The following MYO10 variants were observed in gnomAD, a reference collection of about 807,000 sequenced individuals.
MYO10 encodes the protein myosin X.
A neutral mutation model predicts 257.3 loss-of-function variants in MYO10; 133 were observed. The observed-to-expected ratio is 0.52, with a 90% confidence interval of 0.45 to 0.60. The LOEUF is 0.60. Ranked by LOEUF, MYO10 falls within the 20% of genes least tolerant of loss-of-function variation. MYO10 has a pLI of 0.00. For missense variants in MYO10, 2,399 were observed against 2,635.7 expected (o/e 0.91, Z 1.97); for synonymous variants, 1,104 against 1,028.6 (o/e 1.07, Z -1.40).
chr5:16,710,419 T>C (rs1561200404), intron 21 of MYO10, among the ~76,000 whole-genome samples: 1 of 152,212 alleles, frequency 6.6e-6, no homozygotes, highest in African/African-American at 2.4e-5. Context: ...TCTTCAAACG[T>C]AGATTTTCCT....
chr5:16,882,133 G>A (rs153706), intron 1 of MYO10, among the ~76,000 whole-genome samples: 92,873 of 152,022 alleles, frequency 0.61, 28,491 homozygotes, highest in African/African-American at 0.66. Context: ...AAGCACTTAT[G>A]CATAAATTCC....
chr5:16,851,791 G>A (rs747607104), intron 2 of MYO10, among the ~76,000 whole-genome samples: 3 of 152,096 alleles, frequency 2.0e-5, no homozygotes, highest in Non-Finnish European at 4.4e-5. Flanking sequence ...GGTGGCTCAT[G>A]CCTGTAATCC....
chr5:16,923,667 C>T (rs1007427564), intron 1 of MYO10, among the ~76,000 whole-genome samples: 135 of 141,470 alleles, frequency 9.5e-4, no homozygotes, highest in African/African-American at 3.6e-3. Context: ...CGCCCATACA[C>T]ACACACACAC....
At chr5:16,855,450 T>C (rs1025182536) in intron 2 of MYO10, among the ~76,000 whole-genome samples, 3 of 152,230 alleles carry the variant, frequency 2.0e-5, no homozygotes, top group African/African-American at 4.8e-5. Context: ...TAAAGCGAGA[T>C]ACATGTTTTA....
intron 2 of MYO10, among the ~76,000 whole-genome samples, chr5:16,854,877 C>T (rs12188380): frequency 0.3 from 44,915 of 151,672 alleles, 6,794 homozygotes; most frequent in South Asian, 0.34. Flanking sequence ...ACTAAAAATA[C>T]AAAAATTAGC....
intron 19 of MYO10, among the ~76,000 whole-genome samples, chr5:16,728,253 T>C (rs545100846): frequency 8.5e-5 from 13 of 152,156 alleles, no homozygotes; most frequent in African/African-American, 3.1e-4. Context: ...CCAGGGTCGC[T>C]TGTCTCCTCT....
chr5:16,795,090 G>T (rs1011359297), intron 3 of MYO10, among the ~76,000 whole-genome samples: 1 of 151,178 alleles, frequency 6.6e-6, no homozygotes, highest in Admixed American at 6.6e-5. Flanking sequence ...CTGCTCCCCA[G>T]GCCCAGATCC....
chr5:16,749,172 A>C (rs1190923740), intron 19 of MYO10, among the ~76,000 whole-genome samples: 1 of 152,068 alleles, frequency 6.6e-6, no homozygotes, highest in Non-Finnish European at 1.5e-5. Flanking sequence ...AGCCTCCCCC[A>C]GCACAGGCAT....
At chr5:16,697,569 G>C (rs750065400) in intron 26 of MYO10, among the ~76,000 whole-genome samples, 2 of 152,020 alleles carry the variant, frequency 1.3e-5, no homozygotes, top group African/African-American at 4.8e-5. Flanking sequence ...GCATTGGCGT[G>C]TGCCTGTAAT....
chr5:16,687,158 C>T (rs989950521), intron 28 of MYO10, among the ~76,000 whole-genome samples: 7 of 151,428 alleles, frequency 4.6e-5, no homozygotes, highest in East Asian at 2.0e-4. Context: ...CCAGTCTCTA[C>T]GAAAAATAAA....
intron 1 of MYO10, among the ~76,000 whole-genome samples, chr5:16,887,560 G>T (rs538523347): frequency 6.6e-6 from 1 of 152,224 alleles, no homozygotes; most frequent in East Asian, 1.9e-4. Context: ...GCATGATCTC[G>T]GCTTACTGAA....
intron 2 of MYO10, among the ~76,000 whole-genome samples, chr5:16,865,655 A>G (rs1010588439): frequency 6.6e-6 from 1 of 151,942 alleles, no homozygotes; most frequent in African/African-American, 2.4e-5. Flanking sequence ...TCCTAAAAAT[A>G]CAAAAATTAG....
At chr5:16,884,850 A>G (rs1422153445) in intron 1 of MYO10, among the ~76,000 whole-genome samples, 2 of 152,164 alleles carry the variant, frequency 1.3e-5, no homozygotes, top group African/African-American at 4.8e-5. Context: ...TGGGGACTGC[A>G]GGATCATTCT....
At chr5:16,807,054 T>C (rs933528046) in intron 3 of MYO10, among the ~76,000 whole-genome samples, 3 of 152,238 alleles carry the variant, frequency 2.0e-5, no homozygotes, top group Admixed American at 2.0e-4. Flanking sequence ...ATTTAAAGTC[T>C]GTGCTATGGC....
chr5:16,815,750 G>A (rs558031381), intron 3 of MYO10, among the ~76,000 whole-genome samples: 10 of 152,308 alleles, frequency 6.6e-5, no homozygotes, highest in Admixed American at 6.5e-4. Context: ...TATTCTATGG[G>A]AAAGAGGTGG....
At chr5:16,799,114 C>T (rs761440388) in intron 3 of MYO10, among the ~76,000 whole-genome samples, 2 of 150,126 alleles carry the variant, frequency 1.3e-5, no homozygotes, top group African/African-American at 2.4e-5. Flanking sequence ...ATTATTAAAA[C>T]TTCTTACACA....
chr5:16,706,227 A>T (rs1425425895), intron 21 of MYO10, among the ~76,000 whole-genome samples: 1 of 152,012 alleles, frequency 6.6e-6, no homozygotes, highest in Non-Finnish European at 1.5e-5. Context: ...ACATACTCAT[A>T]TATATACACA....
chr5:16,854,427 T>A (rs1274043037), intron 2 of MYO10, among the ~76,000 whole-genome samples: 1 of 152,182 alleles, frequency 6.6e-6, no homozygotes, highest in Non-Finnish European at 1.5e-5. Flanking sequence ...AACATTATGC[T>A]AAGTGAAAGA....
chr5:16,821,402 T>A (rs1300200202), intron 2 of MYO10, among the ~76,000 whole-genome samples: 1 of 147,354 alleles, frequency 6.8e-6, no homozygotes, highest in Non-Finnish European at 1.5e-5. Flanking sequence ...TAAACTAGAG[T>A]TCCCCACCTT....
Sources: allele counts gnomAD v4.1 joint callset (sites outside exome capture counted in the v4.1 genomes callset), GRCh38; gene constraint gnomAD v4.1.1; transcripts MANE v1.5; gene names NCBI Gene and HGNC (gene_info 2026-07-23, HGNC 2026-07-21).